The following ZNF462 variants were observed in gnomAD, a reference collection of about 807,000 sequenced individuals.
ZNF462 encodes the protein zinc finger PBX1-interacting protein.
Under a neutral mutation model 201.9 loss-of-function variants are expected in ZNF462, and 10 were observed. The ratio of observed to expected loss-of-function variants is 0.05; its 90% CI spans 0.03 to 0.08. The LOEUF is 0.08. Among genes scored for constraint, ZNF462 ranks in the 10% least tolerant of loss-of-function variants. ZNF462 has a pLI of 1.00. For missense variants in ZNF462, 2,523 were observed against 3,168.3 expected (o/e 0.80, Z 4.89); for synonymous variants, 1,227 against 1,193.3 (o/e 1.03, Z -0.58).
chr9:106,921,634 G>A (rs1211861727), intron 1 of ZNF462, among the ~76,000 whole-genome samples: 1 of 152,218 alleles, frequency 6.6e-6, no homozygotes, highest in Non-Finnish European at 1.5e-5. Flanking sequence ...AAAGGACTAA[G>A]CTTGGGGGAT....
chr9:106,946,658 A>C (rs1484781484), intron 7 of ZNF462, among the ~76,000 whole-genome samples: 4 of 152,034 alleles, frequency 2.6e-5, no homozygotes, highest in Non-Finnish European at 5.9e-5. Flanking sequence ...TGGGTATGTA[A>C]AAAAATAATT....
chr9:106,932,563 G>T lies in ZNF462; in HGVS notation c.6116+14G>T, dbSNP rs756189021. Reference sequence around the variant, plus strand: ...TTTCAGGCACAAGTAAGTGCTATTGGGGGGTCACTAGTGGTTACTGGGAGA... The same window carrying T: ...TTTCAGGCACAAGTAAGTGCTATTGTGGGGTCACTAGTGGTTACTGGGAGA... On this transcript the variant is annotated intron_variant, in intron 5 of 12. Transcript: ENST00000277225. This position sits in a 1 kb window ranked among gnomAD's most constrained non-coding sequence, Gnocchi z 6.8. 70 of 1,614,066 alleles carry T rather than the reference G, an allele frequency of 4.3e-5. No individual in the cohort carries two copies. Among genetic ancestry groups the T allele is most frequent in the South Asian group, 1.6e-4 (15 of 91,076 alleles).
rs991468716 is a variant in ZNF462 at position 106,977,847 on chromosome 9, T to G, written c.6832+3574T>G. 6.6e-6 allele frequency among the ~76,000 whole-genome samples: 1 copy of G among 151,564 alleles called. No individual in the cohort carries two copies. Among genetic ancestry groups the G allele is most frequent in the African/African-American group, 2.4e-5 (1 of 40,842 alleles). Reference sequence around the variant, plus strand: ...TTGTAACAAGTGACCACCAAATGTGTAGATTAAAACAATAGAAATGTATTC... The same window carrying G: ...TTGTAACAAGTGACCACCAAATGTGGAGATTAAAACAATAGAAATGTATTC... On this transcript the variant is annotated intron_variant, in intron 9 of 12. Transcript: ENST00000277225. This position sits in a 1 kb window ranked among gnomAD's most constrained non-coding sequence, Gnocchi z 4.6.
chr9:106,932,584 G>A lies in ZNF462; in HGVS notation c.6116+35G>A. The stretch of plus-strand genomic sequence containing the variant: ...ATTGGGGGGTCACTAGTGGTTACTG[G>A]GAGATGATGTCATAGTGGAAGGCAC... On this transcript the variant is annotated intron_variant, in intron 5 of 12. Coordinates refer to ENST00000277225, the MANE Select transcript of ZNF462 (RefSeq NM_021224.6). The surrounding 1 kb of genome is among the most constrained non-coding windows in gnomAD (Gnocchi z 6.8). 1.2e-6 allele frequency: 2 copies of A among 1,614,038 alleles called. No homozygotes were observed. Among genetic ancestry groups the A allele is most frequent in the Non-Finnish European group, 1.7e-6 (2 of 1,179,980 alleles).
rs1379587696 is a variant in ZNF462 at position 106,968,546 on chromosome 9, G to A, written c.6428-3459G>A. 6.6e-6 allele frequency among the ~76,000 whole-genome samples: 1 copy of A among 152,114 alleles called. No homozygotes were observed. The highest frequency in any genetic ancestry group is 1.5e-5 in the Non-Finnish European group (1 of 68,012). ...CAGACTGTATGTGTCAGGGTTGGTT[G>A]GTTGGTTGGTTGGTTGGTTGGGAAT... On this transcript the variant is annotated intron_variant, in intron 7 of 12. Coordinates refer to ENST00000277225, the MANE Select transcript of ZNF462 (RefSeq NM_021224.6). The surrounding 1 kb of genome is among the most constrained non-coding windows in gnomAD (Gnocchi z 4.0).
chr9:106,901,186 C>G (rs761742404), intron 1 of ZNF462, among the ~76,000 whole-genome samples: 3 of 152,060 alleles, frequency 2.0e-5, no homozygotes, highest in Non-Finnish European at 4.4e-5. Context: ...TCTTTCCCCA[C>G]TTTATGTTTT....
chr9:106,876,526 T>C lies in ZNF462; in HGVS notation c.-31+13171T>C, dbSNP rs1827837130. On this transcript the variant is annotated intron_variant, in intron 1 of 12. Transcript: ENST00000277225. This position sits in a 1 kb window ranked among gnomAD's most constrained non-coding sequence, Gnocchi z 4.9. ...CAGTTGTCCATTCCCAGCTAGACTT[T>C]ATTACATCTTCAACTGATGTTCTGT... 6.6e-6 allele frequency among the ~76,000 whole-genome samples: 1 copy of C among 152,254 alleles called. No homozygotes were observed. The highest frequency in any genetic ancestry group is 1.5e-5 in the Non-Finnish European group (1 of 68,044).
chr9:106,971,934 C>T, intron 7 of ZNF462, 71 bp from the exon 8 acceptor site: 1 of 1,528,408 alleles, frequency 6.5e-7, no homozygotes, highest in South Asian at 1.3e-5. Context: ...AACCTGATGT[C>T]AGGGGTTTTC....
rs577267402 is a variant in ZNF462 at position 106,918,372 on chromosome 9, T to C, written c.-30-4982T>C. Among the ~76,000 whole-genome samples the C allele has an allele frequency of 4.6e-5, 7 of 152,334 alleles. No individual in the cohort carries two copies. The South Asian group carries it at 1.2e-3, about 27-fold the overall frequency. On this transcript the variant is annotated intron_variant, in intron 1 of 12. Transcript: ENST00000277225. Reference sequence around the variant, plus strand: ...TTATATCTATAATTATGTGTGTTTGTGTATAGATATATATATTTAGACATT... The same window carrying C: ...TTATATCTATAATTATGTGTGTTTGCGTATAGATATATATATTTAGACATT...
intron 10 of ZNF462, among the ~76,000 whole-genome samples, chr9:106,994,093 G>C (rs1244405611): frequency 3.3e-5 from 5 of 152,032 alleles, no homozygotes; most frequent in Admixed American, 3.3e-4. Flanking sequence ...TCTCTAACTT[G>C]GTCCGCTCGT....
At chr9:106,903,155 T>A (rs1001805820) in intron 1 of ZNF462, among the ~76,000 whole-genome samples, 2 of 152,128 alleles carry the variant, frequency 1.3e-5, no homozygotes, top group Non-Finnish European at 2.9e-5. Context: ...GAAGAATTTT[T>A]AAATTTCCAT....
Position 106,886,258 on chromosome 9 carries a change from A to C in ZNF462, c.-31+22903A>C, listed in dbSNP as rs1423265581. Among the ~76,000 whole-genome samples the C allele has an allele frequency of 6.6e-6, 1 of 152,130 alleles. No homozygotes were observed. Among genetic ancestry groups the C allele is most frequent in the Non-Finnish European group, 1.5e-5 (1 of 68,014 alleles). ...GTTACCTCACTGGACCGCTCTTTAA[A>C]CTTTCTCTGTCTTTTCATGACTTGG... On this transcript the variant is annotated intron_variant, in intron 1 of 12. Transcript: ENST00000277225. This position sits in a 1 kb window ranked among gnomAD's most constrained non-coding sequence, Gnocchi z 4.6.
Position 106,929,485 on chromosome 9 carries a change from C to T in ZNF462, c.5573C>T (p.Thr1858Ile). Residue 1858 changes from threonine to isoleucine, a missense_variant, in exon 3 of 13, where the codon ACT (threonine) becomes ATT (isoleucine). Thr to Ile is a moderately conservative substitution (Grantham distance 89). Coordinates refer to ENST00000277225, the MANE Select transcript of ZNF462 (RefSeq NM_021224.6). The surrounding 1 kb of genome is among the most constrained non-coding windows in gnomAD (Gnocchi z 8.7). ...CIKCFKLSFS[T>I]AELLCMHYTD... is the part of the protein sequence containing the mutation. ...AAATGCTTCAAGCTGTCCTTTAGCACTGCAGAGCTGCTGTGCATGCATTAC... is the reference window on the plus strand; with the variant it reads ...AAATGCTTCAAGCTGTCCTTTAGCATTGCAGAGCTGCTGTGCATGCATTAC... The T allele has an allele frequency of 6.2e-7, 1 of 1,614,198 alleles. No individual in the cohort carries two copies.
rs775249085 is a variant in ZNF462, at chr9:106,926,572, G to A, written c.2660G>A (p.Arg887Lys). ...CCCAATGATCACAGTGCAGTGTACA[G>A]GTGCCTGGAATGCTACATCGATTAC... is the stretch of plus-strand genomic sequence containing the variant. Reference protein sequence around the residue: ...LDPNDHSAVYRCLECYIDYTN... With the variant: ...LDPNDHSAVYKCLECYIDYTN... The change falls in exon 3 of 13, where the codon AGG becomes AAG. Residue 887 changes from arginine to lysine, a missense_variant. Arg to Lys is a conservative substitution (Grantham distance 26). Coordinates refer to ENST00000277225, the MANE Select transcript of ZNF462 (RefSeq NM_021224.6). This position sits in a 1 kb window ranked among gnomAD's most constrained non-coding sequence, Gnocchi z 7.9. 1 of 1,614,104 alleles carries A rather than the reference G, an allele frequency of 6.2e-7. No homozygotes were observed. The highest frequency in any genetic ancestry group is 8.5e-7 in the Non-Finnish European group (1 of 1,180,026).
At position 106,920,873 on chromosome 9, in the gene ZNF462, C is replaced by A. The variant is rs544497042; in HGVS notation, c.-30-2481C>A. ...GTTGTGCAAATCAGGCTCAAACTTT[C>A]CAAAAGACACACAGCAGAAAGCCTT... is the stretch of plus-strand genomic sequence containing the variant. On this transcript the variant is annotated intron_variant, in intron 1 of 12. Transcript: ENST00000277225. The surrounding 1 kb of genome is among the most constrained non-coding windows in gnomAD (Gnocchi z 4.3). 4.0e-4 allele frequency among the ~76,000 whole-genome samples: 61 copies of A among 152,262 alleles called. No homozygotes were observed. The highest frequency in any genetic ancestry group is 1.5e-3 in the African/African-American group (61 of 41,556).
intron 1 of ZNF462, among the ~76,000 whole-genome samples, chr9:106,893,570 G>T (rs573942293): frequency 1.3e-5 from 2 of 152,190 alleles, no homozygotes; most frequent in Non-Finnish European, 2.9e-5. Context: ...TGTCTTAACC[G>T]CACTCGAAGC....
intron 1 of ZNF462, among the ~76,000 whole-genome samples, chr9:106,921,606 GC>G (rs1045506286): frequency 6.6e-6 from 1 of 152,218 alleles, no homozygotes; most frequent in African/African-American, 2.4e-5. Flanking sequence ...CAGAGCTGTG[GC>G]TTGTTTGGCT....
intron 10 of ZNF462, among the ~76,000 whole-genome samples, chr9:106,988,503 C>G (rs567259117): frequency 2.0e-5 from 3 of 152,182 alleles, no homozygotes; most frequent in African/African-American, 7.2e-5. Context: ...TTTGCTTAGT[C>G]TTGCTTTAGC....
chr9:106,931,849 C>T (rs1413071870), intron 4 of ZNF462, among the ~76,000 whole-genome samples: 2 of 152,246 alleles, frequency 1.3e-5, no homozygotes, highest in Non-Finnish European at 2.9e-5. Flanking sequence ...CCCAAGGCTC[C>T]TCAATGACCA....
Sources: allele counts gnomAD v4.1 joint callset (sites outside exome capture counted in the v4.1 genomes callset), GRCh38; gene constraint gnomAD v4.1.1; non-coding constraint Gnocchi (gnomAD v3.1); transcripts MANE v1.5; gene names NCBI Gene and HGNC (gene_info 2026-07-23, HGNC 2026-07-21).